The following RYK variants were observed in gnomAD, a reference collection of about 807,000 sequenced individuals.
RYK encodes inactive tyrosine-protein kinase RYK.
In RYK, 21 loss-of-function variants were observed where a neutral mutation model predicts 70.2. That is an observed-to-expected ratio of 0.30 (90% CI 0.21 to 0.43). RYK has a LOEUF of 0.43. Ranked by LOEUF, RYK falls within the 20% of genes least tolerant of loss-of-function variation. The pLI is 1.00. For synonymous variants in RYK, 267 were observed against 278.0 expected (o/e 0.96, Z 0.39); for missense variants, 604 against 753.3 (o/e 0.80, Z 2.32).
In RYK at chr3:134,188,888, C is replaced by G. The variant is rs766279665; in HGVS notation, c.1051G>C (p.Asp351His). 6.3e-7 allele frequency: 1 copy of G among 1,579,926 alleles called. No homozygotes were observed. Among genetic ancestry groups the G allele is most frequent in the East Asian group, 2.2e-5 (1 of 44,630 alleles). ...TTTTCTTTATTTGGATCTTTTTCAT[C>G]TATTAAAATCCCATGGAAAATACGC... ...FGRIFHGILI[D>H]EKDPNKEKQA... is the part of the protein sequence containing the mutation. The change falls in exon 9 of 15, where the codon GAT becomes CAT. Residue 351 changes from aspartate (D) to histidine (H), a missense_variant. Transcript: ENST00000623711.
chr3:134,202,857 C>G lies in RYK; in HGVS notation c.661G>C (p.Ala221Pro), dbSNP rs1287232009. 1.9e-6 allele frequency: 3 copies of G among 1,613,476 alleles called. No homozygotes were observed. The highest frequency in any genetic ancestry group is 3.3e-5 in the Admixed American group (2 of 59,934). Reference protein sequence around the residue: ...SRTIYDPVHAAPTTSTRVFYI... With the variant: ...SRTIYDPVHAPPTTSTRVFYI... ...AACACACGCGTAGAAGTGGTTGGAG[C>G]TGCATGTACAGGATCATCTGAAATA... Residue 221 changes from alanine to proline, a missense_variant, in exon 6 of 15, where the codon GCT becomes CCT. Transcript: ENST00000623711.
intron 10 of RYK, chr3:134,180,624 C>A (rs2013263374): frequency 6.6e-6 from 1 of 152,064 alleles, no homozygotes; most frequent in African/African-American, 2.4e-5. Context: ...AATGAACAAA[C>A]AAATACATAA....
intron 2 of RYK, among the ~76,000 whole-genome samples, chr3:134,214,931 T>C (rs2014507367): frequency 6.6e-6 from 1 of 152,224 alleles, no homozygotes; most frequent in African/African-American, 2.4e-5. Context: ...CCTAGTACAC[T>C]AGGGTTCTAG....
chr3:134,214,846 T>A (rs990267543), intron 2 of RYK, among the ~76,000 whole-genome samples: 9 of 152,234 alleles, frequency 5.9e-5, no homozygotes, highest in African/African-American at 2.2e-4. Context: ...CCGGCAGATC[T>A]ATTAGAGCAT....
chr3:134,242,499 CT>C, intron 1 of RYK, among the ~76,000 whole-genome samples: 1 of 152,280 alleles, frequency 6.6e-6, no homozygotes, highest in South Asian at 2.1e-4. Context: ...AAATATTGCA[CT>C]TGATTTACAT....
intron 13 of RYK, among the ~76,000 whole-genome samples, chr3:134,174,882 A>G (rs911375259): frequency 3.9e-5 from 6 of 152,206 alleles, no homozygotes; most frequent in Non-Finnish European, 8.8e-5. Flanking sequence ...AACACTTAGA[A>G]GAGGTCACCT....
At chr3:134,197,366 C>G (rs2013849185) in intron 6 of RYK, among the ~76,000 whole-genome samples, 2 of 152,172 alleles carry the variant, frequency 1.3e-5, no homozygotes, top group Non-Finnish European at 2.9e-5. Context: ...ACTATTTAAT[C>G]CTCTGGAACC....
At chr3:134,232,423 C>T (rs1560026674) in intron 1 of RYK, among the ~76,000 whole-genome samples, 1 of 152,172 alleles carries the variant, frequency 6.6e-6, no homozygotes, top group Non-Finnish European at 1.5e-5. Context: ...TGACTCACTA[C>T]AAGATGATGC....
At chr3:134,168,540 A>T (rs966324394) in intron 13 of RYK, among the ~76,000 whole-genome samples, 1 of 146,514 alleles carries the variant, frequency 6.8e-6, no homozygotes, top group African/African-American at 2.5e-5. Flanking sequence ...CAAACACCGC[A>T]TGTTCACACT....
At position 134,250,320 on chromosome 3, in the gene RYK, G is replaced by A. The variant is rs117080939; in HGVS notation, c.232+103C>T. 4.4e-3 allele frequency: 2,334 copies of A among 531,592 alleles called. 62 individuals are homozygous for A. In the East Asian group the frequency reaches 0.063, roughly 14 times the overall value. The allele number at this position is 531,592 out of a possible 1,614,324, so 32.9% of individuals were successfully genotyped here. A position where few individuals can be genotyped will look rare whatever the true frequency, so the allele number is the denominator to read the frequency against. On this transcript the variant is annotated intron_variant, in intron 1 of 14. Transcript: ENST00000623711. ...GAATCCGGGCGCGGGGGGCGGGGAG[G>A]GTACTCGCCCGAGGTCCACGGCTCG... is the stretch of plus-strand genomic sequence containing the variant.
chr3:134,183,048 T>A lies in RYK; in HGVS notation c.1126A>T (p.Thr376Ser). 1 of 1,588,904 alleles carries A rather than the reference T, an allele frequency of 6.3e-7. No homozygotes were observed. The highest frequency in any genetic ancestry group is 8.6e-7 in the Non-Finnish European group (1 of 1,166,064). ...TTACAACTTTCAGTGAGCATCATTG[T>A]CACCTGAATTTCAGAAGCTTGATCT... is the stretch of plus-strand genomic sequence containing the variant. The part of the protein sequence containing the change: ...VKDQASEIQV[T>S]MMLTESCKLR... The change falls in exon 10 of 15, where the codon ACA (threonine) becomes TCA (serine). Residue 376 changes from threonine (T) to serine (S), a missense_variant. By Grantham distance (58) the Thr-to-Ser change is moderately conservative (BLOSUM62 1). Coordinates refer to ENST00000623711, the MANE Select transcript of RYK (RefSeq NM_002958.4).
intron 11 of RYK, among the ~76,000 whole-genome samples, chr3:134,177,084 A>T (rs114845537): frequency 7.0e-6 from 1 of 142,994 alleles, no homozygotes; most frequent in Non-Finnish European, 1.5e-5. Context: ...ACAAAAAAAA[A>T]CCACACACAA....
At chr3:134,230,277 C>A (rs757685002) in intron 1 of RYK, among the ~76,000 whole-genome samples, 1 of 152,050 alleles carries the variant, frequency 6.6e-6, no homozygotes, top group Non-Finnish European at 1.5e-5. Context: ...AGTAGAAACG[C>A]GGTTTCACTA....
chr3:134,183,897 T>A (rs1413272016), intron 9 of RYK, among the ~76,000 whole-genome samples: 1 of 152,240 alleles, frequency 6.6e-6, no homozygotes, highest in Non-Finnish European at 1.5e-5. Context: ...ATATTAAATT[T>A]CAAAAACAAG....
At chr3:134,173,587 T>TA (rs910373064) in intron 13 of RYK, among the ~76,000 whole-genome samples, 1 of 152,090 alleles carries the variant, frequency 6.6e-6, no homozygotes, top group East Asian at 1.9e-4. Flanking sequence ...CAGACGCTGA[T>TA]AAAAGCATCA....
chr3:134,232,268 C>A (rs1414651724), intron 1 of RYK, among the ~76,000 whole-genome samples: 1 of 152,074 alleles, frequency 6.6e-6, no homozygotes, highest in African/African-American at 2.4e-5. Flanking sequence ...TGGAGGTTTC[C>A]ACTTTCACCC....
chr3:134,174,999 C>T (rs1374471730), intron 13 of RYK, among the ~76,000 whole-genome samples: 1 of 152,184 alleles, frequency 6.6e-6, no homozygotes, highest in Non-Finnish European at 1.5e-5. Flanking sequence ...TCAAAATCCT[C>T]ACCTTTAAAA....
chr3:134,232,064 C>G (rs542125019), intron 1 of RYK, among the ~76,000 whole-genome samples: 1 of 152,304 alleles, frequency 6.6e-6, no homozygotes, highest in South Asian at 2.1e-4. Context: ...TACTCTGCCT[C>G]TAAAATCTTG....
chr3:134,180,558 T>C (rs527830071), intron 10 of RYK: 1 of 152,324 alleles, frequency 6.6e-6, no homozygotes, highest in Non-Finnish European at 1.5e-5. Flanking sequence ...TTCATTTTCA[T>C]TCTGCCTAAC....
Sources: gnomAD v4.1 joint callset for allele counts (sites outside exome capture counted in the v4.1 genomes callset) on GRCh38, gnomAD v4.1.1 for gene constraint, MANE v1.5 for transcripts, NCBI Gene and HGNC (gene_info 2026-07-23, HGNC 2026-07-21) for gene names.